The following SPMAP2L variants were observed in gnomAD, a reference collection of about 807,000 sequenced individuals.
SPMAP2L encodes sperm microtubule associated protein 2-like.
At chr4:56,537,855 G>T in the SPMAP2L span, among the ~76,000 whole-genome samples, 1 of 152,040 alleles carries the variant, frequency 6.6e-6, no homozygotes, top group South Asian at 2.1e-4. Context: ...ACCACGCCCG[G>T]CTAATTTTTT....
the SPMAP2L span, among the ~76,000 whole-genome samples, chr4:56,546,160 G>A: frequency 6.6e-6 from 1 of 151,780 alleles, no homozygotes; most frequent in Non-Finnish European, 1.5e-5. Context: ...ATTAATAATG[G>A]ATTTCATTTA....
At chr4:56,578,262 A>G in the SPMAP2L span, among the ~76,000 whole-genome samples, 1 of 152,308 alleles carries the variant, frequency 6.6e-6, no homozygotes, top group South Asian at 2.1e-4. Flanking sequence ...CAAAGTTATT[A>G]TATACCATAG....
the SPMAP2L span, among the ~76,000 whole-genome samples, chr4:56,550,420 C>T: frequency 2.6e-5 from 4 of 152,026 alleles, no homozygotes; most frequent in African/African-American, 2.4e-5. Flanking sequence ...GTAGATAGGA[C>T]AGATATATCA....
chr4:56,584,949 A>T, the SPMAP2L span, among the ~76,000 whole-genome samples: 1 of 152,198 alleles, frequency 6.6e-6, no homozygotes, highest in East Asian at 1.9e-4. Flanking sequence ...GCAAGTCAGC[A>T]GTTCCCTGGA....
At chr4:56,531,583 A>G in the SPMAP2L span, among the ~76,000 whole-genome samples, 1 of 152,282 alleles carries the variant, frequency 6.6e-6, no homozygotes, top group South Asian at 2.1e-4. Context: ...AAAGAGAGTG[A>G]TCCTTGAAGG....
At chr4:56,586,975 G>A in the SPMAP2L span, among the ~76,000 whole-genome samples, 1 of 152,086 alleles carries the variant, frequency 6.6e-6, no homozygotes, top group Admixed American at 6.6e-5. Context: ...TTTATATGCA[G>A]AAAAGACTGT....
At chr4:56,589,235 C>T in the SPMAP2L span, among the ~76,000 whole-genome samples, 248 of 151,916 alleles carry the variant, frequency 1.6e-3, 2 homozygotes, top group African/African-American at 5.7e-3. Context: ...GTGATCTGCC[C>T]GCCTTGGCCT....
the SPMAP2L span, among the ~76,000 whole-genome samples, chr4:56,598,251 C>T: frequency 6.6e-6 from 1 of 152,156 alleles, no homozygotes; most frequent in Non-Finnish European, 1.5e-5. Context: ...AACAGAAAGG[C>T]AATCTGGTAG....
chr4:56,566,674 ATTCTTTTTCTTT>A, the SPMAP2L span, among the ~76,000 whole-genome samples: 1 of 136,548 alleles, frequency 7.3e-6, no homozygotes, highest in Non-Finnish European at 1.6e-5. Flanking sequence ...ATGATGTAAG[ATTCTTTTTCTTT>A]TTCTTTTTCT....
the SPMAP2L span, among the ~76,000 whole-genome samples, chr4:56,562,307 T>G: frequency 6.6e-6 from 1 of 151,888 alleles, no homozygotes; most frequent in Non-Finnish European, 1.5e-5. Context: ...TATGATTTCT[T>G]CCAGAAAAAA....
the SPMAP2L span, among the ~76,000 whole-genome samples, chr4:56,534,299 C>T: frequency 6.6e-6 from 1 of 152,158 alleles, no homozygotes; most frequent in African/African-American, 2.4e-5. Flanking sequence ...TCATTTGACA[C>T]ATTAACCTCT....
the SPMAP2L span, among the ~76,000 whole-genome samples, chr4:56,531,509 TG>T: frequency 6.6e-6 from 1 of 152,212 alleles, no homozygotes; most frequent in Non-Finnish European, 1.5e-5. Flanking sequence ...GGTTGCACTT[TG>T]AATGTTACCC....
the SPMAP2L span, chr4:56,594,224 C>A: frequency 2.5e-6 from 4 of 1,607,582 alleles, no homozygotes; most frequent in Non-Finnish European, 3.4e-6. Context: ...CCTCACCCAT[C>A]AAGTGTTCAA....
At chr4:56,568,038 C>G in the SPMAP2L span, among the ~76,000 whole-genome samples, 1 of 152,182 alleles carries the variant, frequency 6.6e-6, no homozygotes, top group Admixed American at 6.5e-5. Flanking sequence ...TTTTATTTCT[C>G]TCTATGTCTT....
the SPMAP2L span, among the ~76,000 whole-genome samples, chr4:56,539,971 A>T: frequency 2.2e-4 from 33 of 152,318 alleles, no homozygotes; most frequent in African/African-American, 7.9e-4. Context: ...AAGTTTCTTT[A>T]TCCTTCTCTA....
chr4:56,592,659 T>G, the SPMAP2L span, among the ~76,000 whole-genome samples: 7 of 152,164 alleles, frequency 4.6e-5, no homozygotes, highest in South Asian at 1.4e-3. Context: ...GCCGCGGCCA[T>G]GCAGTCCTGT....
chr4:56,532,405 T>TTAA, the SPMAP2L span, among the ~76,000 whole-genome samples: 1 of 151,792 alleles, frequency 6.6e-6, no homozygotes, highest in South Asian at 2.1e-4. Context: ...CCTTCACTTA[T>TTAA]GCTTTAGATA....
At chr4:56,539,547 G>GA in the SPMAP2L span, among the ~76,000 whole-genome samples, 1 of 152,150 alleles carries the variant, frequency 6.6e-6, no homozygotes, top group Non-Finnish European at 1.5e-5. Context: ...TCAGCCTCCT[G>GA]AGTAGCTGGG....
At chr4:56,576,451 A>G in the SPMAP2L span, among the ~76,000 whole-genome samples, 1 of 152,224 alleles carries the variant, frequency 6.6e-6, no homozygotes, top group South Asian at 2.1e-4. Context: ...ACAGGGCAGC[A>G]GACGTCAGCT....
Sources: allele counts gnomAD v4.1 joint callset (sites outside exome capture counted in the v4.1 genomes callset), GRCh38; gene constraint gnomAD v4.1.1; transcripts MANE v1.5; gene names NCBI Gene and HGNC (gene_info 2026-07-23, HGNC 2026-07-21).